B4GALT6: variants seen among roughly 807,000 people sequenced by gnomAD.
B4GALT6 encodes UDP-Gal:beta-GlcNAc beta-1,4-galactosyltransferase 6.
B4GALT6 carries 14 observed loss-of-function variants against 46.3 expected under a neutral mutation model. That is an observed-to-expected ratio of 0.30 (90% CI 0.20 to 0.47). The LOEUF (loss-of-function observed/expected upper bound fraction) is 0.47. Ranked by LOEUF, B4GALT6 falls within the 20% of genes least tolerant of loss-of-function variation. B4GALT6 has a pLI of 0.99. For synonymous variants in B4GALT6, 168 were observed against 162.0 expected, an observed-to-expected ratio of 1.04 and a Z score of -0.28; for missense variants, 386 against 480.1, an observed-to-expected ratio of 0.80 and a Z score of 1.83.
the B4GALT6 span, among the ~76,000 whole-genome samples, chr18:31,711,288 C>T: frequency 6.6e-6 from 1 of 152,078 alleles, no homozygotes; most frequent in African/African-American, 2.4e-5. Context: ...GTTCAGGGTA[C>T]ATTGCAGGTT....
the B4GALT6 span, chr18:31,724,551 T>C: frequency 1.9e-6 from 2 of 1,030,242 alleles, no homozygotes; most frequent in African/African-American, 1.7e-5. Context: ...GACTGAGACT[T>C]TGGCTCAGAG....
At chr18:31,648,287 T>C (rs969917871) in intron 3 of B4GALT6, among the ~76,000 whole-genome samples, 1 of 152,202 alleles carries the variant, frequency 6.6e-6, no homozygotes, top group Non-Finnish European at 1.5e-5. Context: ...AGAAAATAAA[T>C]ATGTTGACTG....
intron 3 of B4GALT6, among the ~76,000 whole-genome samples, chr18:31,656,996 G>A (rs2074148237): frequency 6.6e-6 from 1 of 152,180 alleles, no homozygotes; most frequent in African/African-American, 2.4e-5. Context: ...TTTCAGATTA[G>A]CAAGAATTTA....
chr18:31,705,929 G>C, the B4GALT6 span, among the ~76,000 whole-genome samples: 109,850 of 152,186 alleles, frequency 0.72, 39,807 homozygotes, highest in African/African-American at 0.79. Context: ...CTTTAAACCA[G>C]TTTGTCATTT....
intron 1 of B4GALT6, among the ~76,000 whole-genome samples, chr18:31,678,534 G>C (rs1002825727): frequency 6.6e-6 from 1 of 152,216 alleles, no homozygotes; most frequent in Non-Finnish European, 1.5e-5. Flanking sequence ...ACAGTAGAAT[G>C]AGTCAGGAAT....
intron 3 of B4GALT6, among the ~76,000 whole-genome samples, chr18:31,646,418 C>T (rs2073991562): frequency 6.6e-6 from 1 of 152,236 alleles, no homozygotes; most frequent in Admixed American, 6.5e-5. Flanking sequence ...AAAATAGCTG[C>T]ATGATCACTA....
At chr18:31,645,254 T>C in intron 4 of B4GALT6, 101 bp downstream of exon 4, 1 of 1,489,852 alleles carries the variant, frequency 6.7e-7, no homozygotes, top group Non-Finnish European at 9.1e-7. Context: ...TTTAAATTTA[T>C]CAAGACTTAA....
chr18:31,687,834 C>T (rs1449084), upstream of B4GALT6, among the ~76,000 whole-genome samples: 136,305 of 152,200 alleles, frequency 0.9, 61,051 homozygotes, highest in African/African-American at 0.92. Context: ...CAGATTGCAA[C>T]TGAAAAAAGA....
At chr18:31,640,388 A>C (rs1055799287) in intron 4 of B4GALT6, among the ~76,000 whole-genome samples, 2 of 152,246 alleles carry the variant, frequency 1.3e-5, no homozygotes, top group African/African-American at 4.8e-5. Flanking sequence ...AGGATCATAG[A>C]TGGCAGAAAT....
intron 3 of B4GALT6, among the ~76,000 whole-genome samples, chr18:31,655,193 T>C (rs1281390004): frequency 1.3e-5 from 2 of 152,232 alleles, no homozygotes; most frequent in Non-Finnish European, 2.9e-5. Context: ...TGCAAGGCTC[T>C]CTTGGCAGAA....
intron 6 of B4GALT6, among the ~76,000 whole-genome samples, chr18:31,628,274 A>G (rs1193322637): frequency 6.6e-6 from 1 of 152,198 alleles, no homozygotes; most frequent in Non-Finnish European, 1.5e-5. Flanking sequence ...TATTACAGTA[A>G]GACTAGCTGG....
chr18:31,722,898 AG>A, the B4GALT6 span, among the ~76,000 whole-genome samples: 46 of 152,346 alleles, frequency 3.0e-4, no homozygotes, highest in Non-Finnish European at 5.6e-4. Context: ...AATATCAGCT[AG>A]AAAAGGAAGT....
intron 4 of B4GALT6, among the ~76,000 whole-genome samples, chr18:31,644,493 T>A (rs1290064990): frequency 6.6e-6 from 1 of 152,222 alleles, no homozygotes; most frequent in Non-Finnish European, 1.5e-5. Context: ...AGTATACTAA[T>A]GTTTTAAAAG....
rs568622263 is a variant in B4GALT6, at chr18:31,622,632, T to C, written c.*2982A>G. 5.9e-5 allele frequency: 9 copies of C among 152,172 alleles called. No homozygotes were observed. Among genetic ancestry groups the C allele is most frequent in the African/African-American group, 1.7e-4 (7 of 41,568 alleles). 9.4% of individuals were successfully genotyped at this position (152,172 alleles called of 1,614,324 possible). ...CATTTTTCCATTTTGTTTTAAAATA[T>C]CAGTATCTTGGCTGGCAAAAGGGTA... On this transcript the variant is annotated 3_prime_UTR_variant, in exon 9 of 9. Coordinates refer to ENST00000306851, the MANE Select transcript of B4GALT6 (RefSeq NM_004775.5).
At chr18:31,698,102 A>G in the B4GALT6 span, among the ~76,000 whole-genome samples, 3 of 152,150 alleles carry the variant, frequency 2.0e-5, no homozygotes, top group African/African-American at 7.2e-5. Context: ...GGATCTTCCC[A>G]TTCTCTGCCT....
the B4GALT6 span, among the ~76,000 whole-genome samples, chr18:31,709,489 A>T: frequency 6.7e-6 from 1 of 148,654 alleles, no homozygotes; most frequent in Non-Finnish European, 1.5e-5. Flanking sequence ...TGTGTTTCAG[A>T]ATAACATATG....
At chr18:31,700,613 C>T in the B4GALT6 span, among the ~76,000 whole-genome samples, 1 of 152,068 alleles carries the variant, frequency 6.6e-6, no homozygotes, top group South Asian at 2.1e-4. Context: ...CCTGCCTCCA[C>T]ACCTGGCTAA....
intron 1 of B4GALT6, among the ~76,000 whole-genome samples, chr18:31,682,749 CAA>C (rs932026641): frequency 2.0e-5 from 3 of 152,208 alleles, no homozygotes; most frequent in East Asian, 1.9e-4. Context: ...CAAAATCTTT[CAA>C]AGTTAAATTC....
chr18:31,689,536 A>G (rs1367040912), upstream of B4GALT6, among the ~76,000 whole-genome samples: 1 of 152,142 alleles, frequency 6.6e-6, no homozygotes, highest in African/African-American at 2.4e-5. Flanking sequence ...CGAGATCAGG[A>G]GTTCAAGACC....
Sources: allele counts gnomAD v4.1 joint callset (sites outside exome capture counted in the v4.1 genomes callset), GRCh38; gene constraint gnomAD v4.1.1; transcripts MANE v1.5; gene names NCBI Gene and HGNC (gene_info 2026-07-23, HGNC 2026-07-21).